Variants in MYCT1 observed in about 807,000 individuals in gnomAD.
MYCT1 encodes MYC target 1.
Under a neutral mutation model 15.0 loss-of-function variants are expected in MYCT1, and 12 were observed. That is an observed-to-expected ratio of 0.80 (90% CI 0.51 to 1.29). The LOEUF (loss-of-function observed/expected upper bound fraction) is 1.29. Among genes scored for constraint, MYCT1 ranks in the 50% most tolerant of loss-of-function variants. MYCT1 has a pLI of 0.00. For missense variants in MYCT1, 287 were observed against 279.1 expected (o/e 1.03, Z -0.20); for synonymous variants, 104 against 102.7 (o/e 1.01, Z -0.07).
chr6:152,699,164 G>A (rs1473689957), intron 1 of MYCT1, among the ~76,000 whole-genome samples: 2 of 152,090 alleles, frequency 1.3e-5, no homozygotes, highest in Non-Finnish European at 1.5e-5. Context: ...AGTAGTGGCC[G>A]ACTTTTCCCA....
At chr6:152,725,054 G>A (rs2099725400), downstream of MYCT1, among the ~76,000 whole-genome samples, 1 of 152,032 alleles carries the variant, frequency 6.6e-6, no homozygotes, top group East Asian at 1.9e-4. Context: ...AAATAGGAAA[G>A]GGGTACTTTT....
At position 152,703,062 on chromosome 6, in the gene MYCT1, A is replaced by G. The variant is rs566566859; in HGVS notation, c.196+4964A>G. 3.3e-4 allele frequency among the ~76,000 whole-genome samples: 51 copies of G among 152,326 alleles called. No homozygotes were observed. The South Asian group carries it at 0.011, about 32-fold the overall frequency. ...CCTTTCTCTGATAGCTTTGTCAGGTATCAATGTTATGCAAGCCTTGTAAAA... is the reference window on the plus strand; with the variant it reads ...CCTTTCTCTGATAGCTTTGTCAGGTGTCAATGTTATGCAAGCCTTGTAAAA... On this transcript the variant is annotated intron_variant, in intron 1 of 1. Coordinates refer to ENST00000367245, the MANE Select transcript of MYCT1 (RefSeq NM_025107.3).
At chr6:152,719,939 GA>G (rs2129070466) in intron 1 of MYCT1, among the ~76,000 whole-genome samples, 1 of 152,224 alleles carries the variant, frequency 6.6e-6, no homozygotes, top group Non-Finnish European at 1.5e-5. Context: ...CCCTTTATCA[GA>G]GAGCTTTTGC....
the MYCT1 span, among the ~76,000 whole-genome samples, chr6:152,730,525 A>G: frequency 3.3e-5 from 5 of 152,354 alleles, no homozygotes; most frequent in East Asian, 7.7e-4. Flanking sequence ...TTGGATGGGA[A>G]TCTGGCCATG....
intron 1 of MYCT1, among the ~76,000 whole-genome samples, chr6:152,702,529 A>G (rs2099721486): frequency 6.6e-6 from 1 of 152,144 alleles, no homozygotes; most frequent in South Asian, 2.1e-4. Context: ...TTGGGGATCA[A>G]GTGCTGTCAA....
chr6:152,736,441 T>A, the MYCT1 span, among the ~76,000 whole-genome samples: 2 of 152,096 alleles, frequency 1.3e-5, no homozygotes, highest in Non-Finnish European at 2.9e-5. Context: ...AGGATTCACT[T>A]CCGTGGTCCT....
At chr6:152,737,454 G>T in the MYCT1 span, among the ~76,000 whole-genome samples, 1 of 151,904 alleles carries the variant, frequency 6.6e-6, no homozygotes, top group Non-Finnish European at 1.5e-5. Context: ...CTTGCATAAG[G>T]TCTTATACTG....
the MYCT1 span, among the ~76,000 whole-genome samples, chr6:152,743,607 C>T: frequency 6.6e-6 from 1 of 152,160 alleles, no homozygotes; most frequent in Non-Finnish European, 1.5e-5. Context: ...GGCAACCATG[C>T]CCCACTCCCC....
chr6:152,722,380 T>A lies in MYCT1; in HGVS notation c.*127T>A. 1.1e-6 allele frequency: 1 copy of A among 912,290 alleles called. No homozygotes were observed. Among genetic ancestry groups the A allele is most frequent in the South Asian group, 1.8e-5 (1 of 55,660 alleles). The allele number at this position is 912,290 out of a possible 1,614,324, so 56.5% of individuals were successfully genotyped here. On this transcript the variant is annotated 3_prime_UTR_variant, in exon 2 of 2. Coordinates refer to ENST00000367245, the MANE Select transcript of MYCT1 (RefSeq NM_025107.3). ...TCATGAGTTCCAAGTTGAAACATGG[T>A]TGTGCAAGTTGGACATTACAATGTA...
chr6:152,728,482 A>G (rs1298645056), downstream of MYCT1, among the ~76,000 whole-genome samples: 1 of 152,224 alleles, frequency 6.6e-6, no homozygotes, highest in Non-Finnish European at 1.5e-5. Flanking sequence ...TCAATGGGAA[A>G]AATCGTTGTA....
At chr6:152,731,188 G>T in the MYCT1 span, among the ~76,000 whole-genome samples, 3 of 149,820 alleles carry the variant, frequency 2.0e-5, no homozygotes, top group African/African-American at 7.5e-5. Flanking sequence ...AAGTAAAAGG[G>T]CAGGCAAAAG....
intron 1 of MYCT1, chr6:152,706,003 C>G (rs2099722195): frequency 1.2e-6 from 1 of 843,224 alleles, no homozygotes; most frequent in Admixed American, 1.7e-5. Flanking sequence ...TCGGATGCTG[C>G]TGGTGTGGCC....
chr6:152,719,610 G>A (rs2099724333), intron 1 of MYCT1, among the ~76,000 whole-genome samples: 1 of 152,168 alleles, frequency 6.6e-6, no homozygotes, highest in South Asian at 2.1e-4. Context: ...ATAATTATTT[G>A]TACAGATAAT....
the MYCT1 span, among the ~76,000 whole-genome samples, chr6:152,738,216 CAT>C: frequency 3.9e-5 from 6 of 151,942 alleles, no homozygotes; most frequent in African/African-American, 9.7e-5. Flanking sequence ...CTATCATAGA[CAT>C]ATATTTAACA....
At position 152,722,846 on chromosome 6, in the gene MYCT1, C is replaced by T. The variant is rs1250604153; in HGVS notation, c.*593C>T. On this transcript the variant is annotated 3_prime_UTR_variant, in exon 2 of 2. Coordinates refer to ENST00000367245, the MANE Select transcript of MYCT1 (RefSeq NM_025107.3). ...CTCTATCTCCCAGGCTCAAGTAATC[C>T]TCCCATCTTAGTGCCCCAAGTAGCT... The T allele has an allele frequency of 3.5e-6, 1 of 287,036 alleles. No individual in the cohort carries two copies. Among genetic ancestry groups the T allele is most frequent in the African/African-American group, 2.3e-5 (1 of 44,424 alleles). 17.8% of individuals were successfully genotyped at this position (287,036 alleles called of 1,614,324 possible).
chr6:152,719,850 T>C (rs2099724372), intron 1 of MYCT1, among the ~76,000 whole-genome samples: 1 of 152,170 alleles, frequency 6.6e-6, no homozygotes. Flanking sequence ...CCTTTATATA[T>C]ATGTATAATG....
the MYCT1 span, among the ~76,000 whole-genome samples, chr6:152,742,251 T>A: frequency 2.0e-5 from 3 of 151,964 alleles, no homozygotes; most frequent in Non-Finnish European, 4.4e-5. Context: ...GGAGAATGGG[T>A]TACAGTCTTT....
At chr6:152,727,727 C>T (rs2099725913), downstream of MYCT1, among the ~76,000 whole-genome samples, 1 of 152,152 alleles carries the variant, frequency 6.6e-6, no homozygotes, top group Admixed American at 6.5e-5. Flanking sequence ...TCACTGCTGC[C>T]AGTGACAAAT....
chr6:152,700,105 A>G (rs532917413), intron 1 of MYCT1, among the ~76,000 whole-genome samples: 1 of 152,306 alleles, frequency 6.6e-6, no homozygotes, highest in African/African-American at 2.4e-5. Context: ...AATATGAAGT[A>G]TAAAATGTGA....
Sources: allele counts gnomAD v4.1 joint callset (sites outside exome capture counted in the v4.1 genomes callset), GRCh38; gene constraint gnomAD v4.1.1; transcripts MANE v1.5; gene names NCBI Gene and HGNC (gene_info 2026-07-23, HGNC 2026-07-21).